The following ANKS1B variants were observed in gnomAD, a reference collection of about 807,000 sequenced individuals.
ANKS1B encodes the protein ankyrin repeat and sterile alpha motif domain-containing protein 1B.
A neutral mutation model predicts 148.3 loss-of-function variants in ANKS1B; 36 were observed. The observed-to-expected ratio is 0.24, with a 90% CI of 0.19 to 0.32. The LOEUF (loss-of-function observed/expected upper bound fraction) is 0.32, where lower values mean the gene tolerates loss of function less well. Ranked by LOEUF, ANKS1B falls within the 10% of genes least tolerant of loss-of-function variation. The probability of loss-of-function intolerance (pLI) is 1.00; values close to 1 mark genes in which losing one functional copy is unlikely to be tolerated. For missense variants in ANKS1B, 1,157 were observed against 1,542.6 expected, an observed-to-expected ratio of 0.75 and a Z score of 4.19; for synonymous variants, 542 against 560.8, an observed-to-expected ratio of 0.97 and a Z score of 0.47.
At chr12:99,154,749 C>CTCCA in intron 14 of ANKS1B, 1 of 1,441,872 alleles carries the variant, frequency 6.9e-7, no homozygotes, top group Non-Finnish European at 9.1e-7. Context: ...TGTTGGAGTA[C>CTCCA]TCCACAATGA....
chr12:99,368,584 G>A (rs906706572), intron 12 of ANKS1B, among the ~76,000 whole-genome samples: 2 of 151,938 alleles, frequency 1.3e-5, no homozygotes, highest in South Asian at 4.2e-4. Flanking sequence ...TTCATATGCA[G>A]TAAGTATTAT....
At chr12:99,841,160 G>A (rs970621555) in intron 1 of ANKS1B, among the ~76,000 whole-genome samples, 5 of 151,938 alleles carry the variant, frequency 3.3e-5, no homozygotes, top group Admixed American at 2.0e-4. Context: ...TAGGGTTACT[G>A]TAAAGATTAA....
At chr12:99,129,833 TC>T (rs2065574744) in intron 15 of ANKS1B, among the ~76,000 whole-genome samples, 2 of 152,318 alleles carry the variant, frequency 1.3e-5, no homozygotes, top group South Asian at 4.1e-4. Context: ...GAAAAGATGT[TC>T]AGTATAACAT....
chr12:99,545,805 T>C (rs2153144385), intron 9 of ANKS1B, among the ~76,000 whole-genome samples: 1 of 149,678 alleles, frequency 6.7e-6, no homozygotes, highest in South Asian at 2.1e-4. Flanking sequence ...TATAAAATTA[T>C]TGCATCGGGG....
intron 12 of ANKS1B, among the ~76,000 whole-genome samples, chr12:99,293,644 A>C (rs2080384996): frequency 6.6e-6 from 1 of 152,220 alleles, no homozygotes; most frequent in South Asian, 2.1e-4. Context: ...TCCCATGTGC[A>C]CAGGCAAGCA....
chr12:99,389,130 C>G (rs1396429157), intron 12 of ANKS1B, among the ~76,000 whole-genome samples: 8 of 152,138 alleles, frequency 5.3e-5, no homozygotes, highest in African/African-American at 1.9e-4. Flanking sequence ...GTTGAGGTCA[C>G]TAGAGTCTAG....
chr12:99,600,477 T>C (rs1300104140), intron 9 of ANKS1B, among the ~76,000 whole-genome samples: 1 of 151,968 alleles, frequency 6.6e-6, no homozygotes, highest in African/African-American at 2.4e-5. Flanking sequence ...TAAATAAATG[T>C]TGAAAACAGA....
chr12:99,864,699 T>C (rs2090500806), intron 1 of ANKS1B, among the ~76,000 whole-genome samples: 1 of 152,142 alleles, frequency 6.6e-6, no homozygotes, highest in African/African-American at 2.4e-5. Context: ...AGAGACAGCT[T>C]TTTGAGCTGT....
intron 10 of ANKS1B, among the ~76,000 whole-genome samples, chr12:99,484,621 T>C (rs74240134): frequency 0.037 from 5,685 of 152,000 alleles, 152 homozygotes; most frequent in South Asian, 0.084. Flanking sequence ...TATGTTGCTA[T>C]CTCATTTTTT....
At chr12:99,509,611 G>C (rs911361994) in intron 9 of ANKS1B, among the ~76,000 whole-genome samples, 1 of 152,070 alleles carries the variant, frequency 6.6e-6, no homozygotes, top group Non-Finnish European at 1.5e-5. Context: ...GAAGCTGGCT[G>C]TGGTTAGTTC....
chr12:98,838,861 C>A (rs1445525798), intron 17 of ANKS1B, among the ~76,000 whole-genome samples: 1 of 152,182 alleles, frequency 6.6e-6, no homozygotes, highest in East Asian at 1.9e-4. Context: ...TTCTCATCTG[C>A]AGAACTAAAA....
At chr12:99,165,694 A>C (rs2077123489) in intron 14 of ANKS1B, among the ~76,000 whole-genome samples, 2 of 13,614 alleles carry the variant, frequency 1.5e-4, no homozygotes, top group Admixed American at 2.3e-3. Flanking sequence ...AATTCTACCA[A>C]ACATATAGTG....
At chr12:99,015,080 T>C (rs2099941623) in intron 17 of ANKS1B, among the ~76,000 whole-genome samples, 1 of 152,222 alleles carries the variant, frequency 6.6e-6, no homozygotes, top group African/African-American at 2.4e-5. Context: ...CATGTGTATG[T>C]TCATTGCAGC....
At chr12:99,830,861 C>T (rs1314152718) in intron 1 of ANKS1B, among the ~76,000 whole-genome samples, 1 of 152,138 alleles carries the variant, frequency 6.6e-6, no homozygotes, top group African/African-American at 2.4e-5. Context: ...AGTATGCTTG[C>T]ACCTTATGAC....
chr12:98,927,871 C>G (rs1245042587), intron 17 of ANKS1B, among the ~76,000 whole-genome samples: 1 of 150,696 alleles, frequency 6.6e-6, no homozygotes, highest in African/African-American at 2.4e-5. Context: ...CACCTCAAGG[C>G]ACTGGAAAAA....
intron 2 of ANKS1B, among the ~76,000 whole-genome samples, chr12:99,822,284 C>T (rs2082604235): frequency 6.6e-6 from 1 of 151,984 alleles, no homozygotes; most frequent in South Asian, 2.1e-4. Flanking sequence ...ACCATTTCTA[C>T]TTTTTAAAAA....
At chr12:98,834,127 G>A (rs559143702) in intron 17 of ANKS1B, among the ~76,000 whole-genome samples, 1 of 152,248 alleles carries the variant, frequency 6.6e-6, no homozygotes, top group African/African-American at 2.4e-5. Flanking sequence ...ATGTCCCCAT[G>A]CACCATATCC....
At chr12:99,065,227 C>T (rs1460544707) in intron 16 of ANKS1B, among the ~76,000 whole-genome samples, 1 of 152,288 alleles carries the variant, frequency 6.6e-6, no homozygotes, top group Non-Finnish European at 1.5e-5. Flanking sequence ...CAAACAGAAA[C>T]TTTAAATGCT....
intron 9 of ANKS1B, among the ~76,000 whole-genome samples, chr12:99,527,588 T>C (rs1238112961): frequency 6.6e-6 from 1 of 152,176 alleles, no homozygotes; most frequent in Non-Finnish European, 1.5e-5. Flanking sequence ...GTCATGTTGA[T>C]GCAAATTGTT....
Sources: allele counts gnomAD v4.1 joint callset (sites outside exome capture counted in the v4.1 genomes callset), GRCh38; gene constraint gnomAD v4.1.1; transcripts MANE v1.5; gene names NCBI Gene and HGNC (gene_info 2026-07-23, HGNC 2026-07-21).